The following DLC1 variants were observed in gnomAD, a reference collection of about 807,000 sequenced individuals.
The protein encoded by DLC1 is DLC1 Rho GTPase activating protein.
Under a neutral mutation model 140.3 loss-of-function variants are expected in DLC1, and 54 were observed. The ratio of observed to expected loss-of-function variants is 0.38; its 90% CI spans 0.31 to 0.48. DLC1 has a LOEUF of 0.48. Among genes scored for constraint, DLC1 ranks in the 20% least tolerant of loss-of-function variants. The pLI is 0.96. For missense variants in DLC1, 2,536 were observed against 1,907.0 expected, an observed-to-expected ratio of 1.33 and a Z score of -6.14; for synonymous variants, 986 against 728.1, an observed-to-expected ratio of 1.35 and a Z score of -5.70.
intron 4 of DLC1, among the ~76,000 whole-genome samples, chr8:13,344,846 T>C (rs1223495950): frequency 6.6e-6 from 1 of 152,184 alleles, no homozygotes; most frequent in African/African-American, 2.4e-5. Flanking sequence ...TTAAGTATAA[T>C]TTGCATGTAG....
At chr8:13,190,215 C>G (rs1263152109) in intron 5 of DLC1, among the ~76,000 whole-genome samples, 3 of 152,054 alleles carry the variant, frequency 2.0e-5, no homozygotes, top group South Asian at 4.1e-4. Context: ...TACACTTTAT[C>G]CAAGGTGGTA....
At chr8:13,601,832 G>C (rs1563468915) in intron 1 of DLC1, among the ~76,000 whole-genome samples, 1 of 151,608 alleles carries the variant, frequency 6.6e-6, no homozygotes, top group African/African-American at 2.4e-5. Context: ...ACCCTTCTTT[G>C]GTGATTTTGC....
intron 1 of DLC1, among the ~76,000 whole-genome samples, chr8:13,529,652 C>T (rs1803033208): frequency 6.6e-6 from 1 of 152,098 alleles, no homozygotes; most frequent in South Asian, 2.1e-4. Context: ...GAAAGTCATT[C>T]CTTGCAACTG....
At chr8:13,159,941 C>T (rs543932091) in intron 5 of DLC1, among the ~76,000 whole-genome samples, 13 of 151,368 alleles carry the variant, frequency 8.6e-5, no homozygotes, top group Non-Finnish European at 1.3e-4. Flanking sequence ...GGGCAGATGA[C>T]GAGGTCAGGA....
chr8:13,529,945 A>G (rs1045719540), intron 1 of DLC1, among the ~76,000 whole-genome samples: 1 of 152,216 alleles, frequency 6.6e-6, no homozygotes, highest in African/African-American at 2.4e-5. Context: ...AGGAAATTAC[A>G]TGTAAGCATT....
At chr8:13,560,749 A>T (rs1323872521) in intron 1 of DLC1, among the ~76,000 whole-genome samples, 1 of 152,138 alleles carries the variant, frequency 6.6e-6, no homozygotes, top group Non-Finnish European at 1.5e-5. Flanking sequence ...TGTTAATCTA[A>T]TATGGCTAGT....
At position 13,086,383 on chromosome 8, in the gene DLC1, C is replaced by T. The variant is rs761485137; in HGVS notation, c.4373G>A (p.Gly1458Asp). 6.2e-7 allele frequency: 1 copy of T among 1,614,248 alleles called. No homozygotes were observed. The highest frequency in any genetic ancestry group is 1.7e-5 in the Admixed American group (1 of 60,036). The change falls in exon 17 of 18, where the codon GGT becomes GAT. Residue 1458 changes from glycine (G) to aspartate (D), a missense_variant. By Grantham distance (94) the Gly-to-Asp change is moderately conservative. Transcript: ENST00000276297. ...SVDHDRAPVV[G>D]VRVNVLLSRY... ...GGACAAGAGCACATTAACCCTCACA[C>T]CCACCACAGGTGCGCGATCGTGATC...
At chr8:13,238,501 A>C (rs1161906471) in intron 5 of DLC1, among the ~76,000 whole-genome samples, 1 of 152,128 alleles carries the variant, frequency 6.6e-6, no homozygotes, top group Middle Eastern at 3.4e-3. Context: ...TGACAGAGCA[A>C]GACCCTGTCT....
At chr8:13,220,596 G>T (rs1828495471) in intron 5 of DLC1, among the ~76,000 whole-genome samples, 1 of 152,092 alleles carries the variant, frequency 6.6e-6, no homozygotes, top group Admixed American at 6.5e-5. Flanking sequence ...GTGCCTTTAA[G>T]AAAAGAAGCA....
chr8:13,393,478 G>T (rs971398100), intron 4 of DLC1, 75 bp downstream of exon 4: 3 of 1,441,312 alleles, frequency 2.1e-6, no homozygotes, highest in South Asian at 1.4e-5. Context: ...CTTCTATATC[G>T]AATGAATATC....
chr8:13,105,334 C>G (rs1314026473), intron 7 of DLC1, among the ~76,000 whole-genome samples: 1 of 152,122 alleles, frequency 6.6e-6, no homozygotes, highest in Non-Finnish European at 1.5e-5. Context: ...ACCTTATTTC[C>G]TTACAGAGAC....
intron 5 of DLC1, among the ~76,000 whole-genome samples, chr8:13,127,896 G>C (rs1821719783): frequency 6.6e-6 from 1 of 152,220 alleles, no homozygotes; most frequent in Non-Finnish European, 1.5e-5. Context: ...GGCATCTGAG[G>C]ACTCAGCTTC....
intron 1 of DLC1, among the ~76,000 whole-genome samples, chr8:13,588,317 G>C (rs999061175): frequency 1.3e-5 from 2 of 152,134 alleles, no homozygotes; most frequent in African/African-American, 2.4e-5. Context: ...ACCGAAGAGA[G>C]AGAATCCAGG....
chr8:13,305,972 A>T (rs1027372672), intron 4 of DLC1, among the ~76,000 whole-genome samples: 1 of 152,146 alleles, frequency 6.6e-6, no homozygotes, highest in Non-Finnish European at 1.5e-5. Flanking sequence ...GGGCATTTCA[A>T]ATCTCTTCCC....
At chr8:13,163,830 C>A (rs1459631575) in intron 5 of DLC1, among the ~76,000 whole-genome samples, 4 of 151,862 alleles carry the variant, frequency 2.6e-5, no homozygotes, top group Non-Finnish European at 5.9e-5. Context: ...AAAAAATGCA[C>A]CAAAACAACA....
intron 1 of DLC1, among the ~76,000 whole-genome samples, chr8:13,547,425 A>G (rs547610109): frequency 6.6e-6 from 1 of 152,054 alleles, no homozygotes; most frequent in Non-Finnish European, 1.5e-5. Context: ...ATTAAAGAAG[A>G]AAATGACTGC....
chr8:13,598,379 A>C (rs112850667), intron 1 of DLC1, among the ~76,000 whole-genome samples: 2 of 152,080 alleles, frequency 1.3e-5, no homozygotes, highest in African/African-American at 4.8e-5. Flanking sequence ...TGTGGGGACC[A>C]CTTAGACAAA....
chr8:13,591,750 A>T (rs977896406), intron 1 of DLC1, among the ~76,000 whole-genome samples: 2 of 148,310 alleles, frequency 1.3e-5, no homozygotes, highest in African/African-American at 5.0e-5. Flanking sequence ...GACAGAATTC[A>T]TGGATATGTC....
At chr8:13,538,913 G>T (rs776325188) in intron 1 of DLC1, among the ~76,000 whole-genome samples, 3 of 152,124 alleles carry the variant, frequency 2.0e-5, no homozygotes, top group Admixed American at 6.5e-5. Flanking sequence ...CCCTATAAAA[G>T]TTCATCTAAT....
Sources: allele counts gnomAD v4.1 joint callset (sites outside exome capture counted in the v4.1 genomes callset), GRCh38; gene constraint gnomAD v4.1.1; transcripts MANE v1.5; gene names NCBI Gene and HGNC (gene_info 2026-07-23, HGNC 2026-07-21).